The following RPL37A variants were observed in gnomAD, a reference collection of about 807,000 sequenced individuals.
RPL37A encodes the protein ribosomal protein L37a.
In RPL37A, 5 loss-of-function variants were observed where a neutral mutation model predicts 13.6. That is an observed-to-expected ratio of 0.37 (90% confidence interval 0.19 to 0.78). RPL37A has a LOEUF of 0.78. RPL37A is among the 30% of genes least tolerant of loss of function. The pLI is 0.49. For synonymous variants in RPL37A, 50 were observed against 44.4 expected (o/e 1.13, Z -0.50); for missense variants, 77 against 120.0 (o/e 0.64, Z 1.67).
intron 2 of RPL37A, 21 bp from the exon 3 acceptor site, chr2:216,499,928 A>G (rs111309414): frequency 1.2e-6 from 2 of 1,602,076 alleles, no homozygotes. Context: ...GTTCATAGTG[A>G]AAATTGGTTC....
chr2:216,499,031 C>A, intron 1 of RPL37A, 154 bp downstream of exon 1: 2 of 1,289,178 alleles, frequency 1.6e-6, no homozygotes, highest in Non-Finnish European at 2.2e-6. Flanking sequence ...CTCCCCAAGG[C>A]GGAGGGGCGG....
At chr2:216,498,954 C>T (rs1574496560) in intron 1 of RPL37A, 77 bp downstream of exon 1, 2 of 1,570,168 alleles carry the variant, frequency 1.3e-6, no homozygotes, top group Admixed American at 1.7e-5. Flanking sequence ...GCACCCATCT[C>T]CTCTCCTGCC....
Position 216,501,386 on chromosome 2 carries a change from G to A in RPL37A, c.261G>A (p.Lys87=). 1 of 1,611,824 alleles carries A rather than the reference G, an allele frequency of 6.2e-7. No individual in the cohort carries two copies. The highest frequency in any genetic ancestry group is 8.5e-7 in the Non-Finnish European group (1 of 1,179,314). ...VTVKSAIRRL[K]ELKDQ ...TAAAGTCCGCCATCAGAAGACTGAA[G>A]GAGTTGAAAGACCAGTAGACGCTCC... The change falls in exon 4 of 4, where the codon AAG becomes AAA. Residue 87 remains lysine (K), a synonymous_variant. Transcript: ENST00000491306.
chr2:216,499,749 C>G (rs1695566074), intron 2 of RPL37A, 200 bp from the exon 3 acceptor site: 1 of 703,842 alleles, frequency 1.4e-6, no homozygotes, highest in Non-Finnish European at 2.6e-6. Flanking sequence ...TCTACTTGTT[C>G]TGCGAGGGAT....
rs1489275280 is a variant in RPL37A at position 216,504,064 on chromosome 2, G to GTT, written c.*2661_*2662insTT. 6.6e-6 allele frequency: 1 copy of GTT among 152,222 alleles called. No individual in the cohort carries two copies. The highest frequency in any genetic ancestry group is 6.5e-5 in the Admixed American group (1 of 15,282). The allele number at this position is 152,222 out of a possible 1,614,324, so 9.4% of individuals were successfully genotyped here. On this transcript the variant is annotated 3_prime_UTR_variant, in exon 4 of 4. Transcript: ENST00000491306. The stretch of plus-strand genomic sequence containing the variant: ...TGAACATTGTGTTGTGATATAAAAA[G>GTT]TAAGTTAGGCTTGTGTTTTTCACCA...
intron 2 of RPL37A, 24 bp from the exon 3 acceptor site, chr2:216,499,925 G>A (rs746799055): frequency 1.3e-6 from 2 of 1,593,080 alleles, no homozygotes; most frequent in Non-Finnish European, 1.7e-6. Flanking sequence ...TTGGTTCATA[G>A]TGAAAATTGG....
rs1317787390 is a variant in RPL37A at position 216,502,910 on chromosome 2, C to G, written c.*1506C>G. On this transcript the variant is annotated 3_prime_UTR_variant, in exon 4 of 4. Transcript: ENST00000491306. ...ACATCGCTACCCCAGGAGAATACTTCACTGGGTCAGGCATTTGCTAGATCC... is the reference window on the plus strand; with the variant it reads ...ACATCGCTACCCCAGGAGAATACTTGACTGGGTCAGGCATTTGCTAGATCC... The G allele has an allele frequency of 6.6e-6, 1 of 152,210 alleles. No homozygotes were observed. The highest frequency in any genetic ancestry group is 2.4e-5 in the African/African-American group (1 of 41,454). The allele number at this position is 152,210 out of a possible 1,614,324, so 9.4% of individuals were successfully genotyped here.
chr2:216,500,927 C>G (rs1322081300), intron 3 of RPL37A: 2 of 154,858 alleles, frequency 1.3e-5, no homozygotes, highest in African/African-American at 4.8e-5. Context: ...TGTCCATTCC[C>G]TTTTAATAAG....
At position 216,501,372 on chromosome 2, in the gene RPL37A, A is replaced by G. The variant is rs150485501; in HGVS notation, c.247A>G (p.Ile83Val). Reference sequence around the variant, plus strand: ...TTCCGCTGTCACGGTAAAGTCCGCCATCAGAAGACTGAAGGAGTTGAAAGA... The same window carrying G: ...TTCCGCTGTCACGGTAAAGTCCGCCGTCAGAAGACTGAAGGAGTTGAAAGA... ...TTSAVTVKSAIRRLKELKDQ is the reference protein window; with the variant it reads ...TTSAVTVKSAVRRLKELKDQ The change falls in exon 4 of 4, where the codon ATC becomes GTC. Residue 83 changes from isoleucine (I) to valine (V), a missense_variant. Coordinates refer to ENST00000491306, the MANE Select transcript of RPL37A (RefSeq NM_000998.5). 32 of 1,612,546 alleles carry G rather than the reference A, an allele frequency of 2.0e-5. No individual in the cohort carries two copies. The highest frequency in any genetic ancestry group is 2.7e-5 in the African/African-American group (2 of 74,906).
rs1345847319 is a variant in RPL37A, at chr2:216,499,296, C to T, written c.30C>T (p.Ile10=). The stretch of plus-strand genomic sequence containing the variant: ...CCAAACGTACCAAGAAAGTCGGGAT[C>T]GTCGGTAAATACGGGACCCGCTATG... MAKRTKKVG[I]VGKYGTRYGA... is the part of the protein sequence containing the mutation. Residue 10 remains isoleucine, a synonymous_variant, in exon 2 of 4, where the codon ATC becomes ATT. Transcript: ENST00000491306. The T allele has an allele frequency of 7.4e-6, 12 of 1,613,404 alleles. No individual in the cohort carries two copies. Among genetic ancestry groups the T allele is most frequent in the Non-Finnish European group, 1.0e-5 (12 of 1,179,992 alleles).
chr2:216,501,259 C>A, intron 3 of RPL37A, 82 bp from the exon 4 acceptor site: 1 of 1,218,838 alleles, frequency 8.2e-7, no homozygotes, highest in Non-Finnish European at 1.2e-6. Context: ...GACTTTAACA[C>A]AAAAACGAGG....
At chr2:216,499,235 G>A in intron 1 of RPL37A, 35 bp from the exon 2 acceptor site, 1 of 1,600,356 alleles carries the variant, frequency 6.2e-7, no homozygotes, top group Non-Finnish European at 8.5e-7. Context: ...CTGGGTTCCA[G>A]GTCTATCACT....
intron 2 of RPL37A, 103 bp downstream of exon 2, chr2:216,499,501 G>GT: frequency 7.3e-7 from 1 of 1,367,352 alleles, no homozygotes. Flanking sequence ...CTGGTGGGCA[G>GT]TTGGAATTAC....
rs1281408813 is a variant in RPL37A at position 216,499,263 on chromosome 2, TA to T, written c.4-4del. On this transcript the variant is annotated splice_region_variant and splice_polypyrimidine_tract_variant and intron_variant, in intron 1 of 3. Transcript: ENST00000491306. ...CTATCACTGGTTTCTCCCTTCACTC[TA>T]AACAGGCCAAACGTACCAAGAAAGT... is the stretch of plus-strand genomic sequence containing the variant. 3 of 1,611,368 alleles carry T rather than the reference TA, an allele frequency of 1.9e-6. No homozygotes were observed. The highest frequency in any genetic ancestry group is 2.5e-6 in the Non-Finnish European group (3 of 1,179,336).
intron 3 of RPL37A, 47 bp downstream of exon 3, chr2:216,500,078 G>A (rs752946283): frequency 6.7e-7 from 1 of 1,483,592 alleles, no homozygotes; most frequent in South Asian, 1.1e-5. Context: ...GACCACATAG[G>A]CCCAAATTCC....
chr2:216,500,659 A>G (rs1695584563), intron 3 of RPL37A: 1 of 152,688 alleles, frequency 6.5e-6, no homozygotes, highest in Non-Finnish European at 1.5e-5. Context: ...ATATATATAT[A>G]TTCCTTGTGG....
At position 216,503,943 on chromosome 2, in the gene RPL37A, A is replaced by G. The variant is rs1695638349; in HGVS notation, c.*2539A>G. 1 of 152,188 alleles carries G rather than the reference A, an allele frequency of 6.6e-6. No homozygotes were observed. The highest frequency in any genetic ancestry group is 1.5e-5 in the Non-Finnish European group (1 of 68,040). 9.4% of individuals were successfully genotyped at this position (152,188 alleles called of 1,614,324 possible). A position where few individuals can be genotyped will look rare whatever the true frequency, so the allele number is the denominator to read the frequency against. ...TTCCTTACCTGCCTCTTCCCATGCT[A>G]AAGATGGCCCACCTTCGTTTTGTTA... On this transcript the variant is annotated 3_prime_UTR_variant, in exon 4 of 4. Transcript: ENST00000491306.
chr2:216,500,293 T>C, intron 3 of RPL37A: 1 of 526,004 alleles, frequency 1.9e-6, no homozygotes, highest in South Asian at 2.1e-5. Flanking sequence ...GTGAACATTG[T>C]CATGATACTG....
chr2:216,501,152 GTAATCTAATGTTGGTTAGATCT>G (rs1286766037), intron 3 of RPL37A, 167 bp from the exon 4 acceptor site: 14 of 499,048 alleles, frequency 2.8e-5, no homozygotes, highest in Non-Finnish European at 4.7e-5. Flanking sequence ...TTTCCGAGGA[GTAATCTAATGTTGGTTAGATCT>G]TTGGATTGAC....
Sources: allele counts gnomAD v4.1 joint callset, GRCh38; gene constraint gnomAD v4.1.1; transcripts MANE v1.5; gene names NCBI Gene and HGNC (gene_info 2026-07-23, HGNC 2026-07-21).